CFAP43: variants seen among roughly 807,000 people sequenced by gnomAD.
The protein encoded by CFAP43 is cilia and flagella associated protein 43.
Under a neutral mutation model 218.9 loss-of-function variants are expected in CFAP43, and 155 were observed. The observed-to-expected ratio is 0.71, with a 90% CI of 0.62 to 0.81. The LOEUF (loss-of-function observed/expected upper bound fraction) is 0.81. Ranked by LOEUF, CFAP43 falls within the 30% of genes least tolerant of loss-of-function variation. The probability of loss-of-function intolerance (pLI) is 0.00; values close to 1 mark genes in which losing one functional copy is unlikely to be tolerated. For synonymous variants in CFAP43, 645 were observed against 681.3 expected (o/e 0.95, Z 0.83); for missense variants, 1,778 against 1,954.3 (o/e 0.91, Z 1.70).
intron 19 of CFAP43, among the ~76,000 whole-genome samples, chr10:104,177,685 A>G (rs1029845811): frequency 6.6e-6 from 1 of 152,208 alleles, no homozygotes; most frequent in African/African-American, 2.4e-5. Context: ...CTCATCGAAC[A>G]TATCAAGGTG....
At position 104,214,257 on chromosome 10, in the gene CFAP43, A is replaced by G. The variant is rs901379149; in HGVS notation, c.584+2T>C. ...TGCTACTGTTGTAACAAAGGCTCCT[A>G]CCTTGCTCTGAAACAATGCTCCTGG... On this transcript the variant is annotated splice_donor_variant, in intron 4 of 37. Coordinates refer to ENST00000357060, the MANE Select transcript of CFAP43 (RefSeq NM_025145.7). LOFTEE classifies it high-confidence loss of function. 1 of 1,584,678 alleles carries G rather than the reference A, an allele frequency of 6.3e-7. No homozygotes were observed. Among genetic ancestry groups the G allele is most frequent in the African/African-American group, 1.4e-5 (1 of 73,958 alleles).
At chr10:104,143,930 G>A (rs937424984) in intron 31 of CFAP43, among the ~76,000 whole-genome samples, 2 of 152,172 alleles carry the variant, frequency 1.3e-5, no homozygotes, top group African/African-American at 4.8e-5. Context: ...TATACTGTAA[G>A]CAGGCAAATA....
intron 27 of CFAP43, among the ~76,000 whole-genome samples, chr10:104,159,942 T>C (rs762044285): frequency 6.6e-6 from 1 of 152,120 alleles, no homozygotes. Flanking sequence ...AGCACTTGGC[T>C]AGGGGAAAAA....
In CFAP43 at chr10:104,182,497, G is replaced by T. The variant is rs1235210301; in HGVS notation, c.2158C>A (p.Leu720Ile). The stretch of plus-strand genomic sequence containing the variant: ...TAATAGTCCAGAATTTCACTGGCTA[G>T]GTGTCCTCCAAATCGCCTATATTAA... ...YLKWKRFGGH[L>I]ASEILDYYQK... Residue 720 changes from leucine to isoleucine, a missense_variant, in exon 17 of 38, where the codon CTA becomes ATA. Around this residue, in one of 3 missense-constraint regions of CFAP43, gnomAD observed 1,553 missense variants for 1,685.2 expected, o/e 0.92. Coordinates refer to ENST00000357060, the MANE Select transcript of CFAP43 (RefSeq NM_025145.7). The T allele has an allele frequency of 2.5e-6, 4 of 1,596,540 alleles. No individual in the cohort carries two copies. Among genetic ancestry groups the T allele is most frequent in the Non-Finnish European group, 3.4e-6 (4 of 1,175,162 alleles).
At chr10:104,160,095 G>C (rs186597936) in intron 27 of CFAP43, among the ~76,000 whole-genome samples, 13 of 152,298 alleles carry the variant, frequency 8.5e-5, no homozygotes, top group Admixed American at 2.0e-4. Flanking sequence ...ATCAAGGCTG[G>C]GGTTTCAGCA....
intron 6 of CFAP43, 46 bp from the exon 7 acceptor site, chr10:104,206,076 G>C: frequency 6.9e-7 from 1 of 1,445,698 alleles, no homozygotes; most frequent in Middle Eastern, 1.9e-4. Flanking sequence ...GTAATTAAAA[G>C]TACAATGTAA....
chr10:104,193,619 T>G (rs964309487), intron 11 of CFAP43: 2 of 432,308 alleles, frequency 4.6e-6, no homozygotes, highest in Non-Finnish European at 8.3e-6. Context: ...TGCTTGTTCA[T>G]GGATAAAACA....
intron 20 of CFAP43, among the ~76,000 whole-genome samples, chr10:104,169,891 G>C (rs1191014231): frequency 1.3e-5 from 2 of 152,102 alleles, no homozygotes; most frequent in African/African-American, 2.4e-5. Flanking sequence ...TCTCTCCACT[G>C]CTGAGGCTGT....
At chr10:104,140,726 T>C in intron 34 of CFAP43, 116 bp downstream of exon 34, 3 of 710,874 alleles carry the variant, frequency 4.2e-6, no homozygotes, top group Non-Finnish European at 6.6e-6. Flanking sequence ...GGTGGGAGGA[T>C]CTATTGAGCC....
At chr10:104,182,659 T>C (rs1231527877) in intron 16 of CFAP43, 146 bp from the exon 17 acceptor site, 1 of 720,190 alleles carries the variant, frequency 1.4e-6, no homozygotes, top group East Asian at 3.3e-5. Context: ...CACAGTGCCT[T>C]GTGGAAACTT....
At chr10:104,211,548 C>T (rs1189755204) in intron 5 of CFAP43, among the ~76,000 whole-genome samples, 1 of 152,170 alleles carries the variant, frequency 6.6e-6, no homozygotes, top group Non-Finnish European at 1.5e-5. Context: ...GAATTCCTTT[C>T]GCCCCTGAGT....
chr10:104,163,143 C>T (rs1202981252), intron 24 of CFAP43, among the ~76,000 whole-genome samples: 1 of 152,168 alleles, frequency 6.6e-6, no homozygotes, highest in East Asian at 1.9e-4. Context: ...AACTCTAAGG[C>T]ATGATGGTTT....
intron 2 of CFAP43, among the ~76,000 whole-genome samples, chr10:104,230,295 T>C (rs1051750552): frequency 2.0e-5 from 3 of 151,816 alleles, no homozygotes. Flanking sequence ...TGAAACCCCA[T>C]CTCTACTAAA....
At chr10:104,223,290 TG>T (rs1375895917) in intron 3 of CFAP43, among the ~76,000 whole-genome samples, 1 of 152,062 alleles carries the variant, frequency 6.6e-6, no homozygotes, top group East Asian at 1.9e-4. Context: ...AAATATTTTA[TG>T]GCCAAAAAAA....
At chr10:104,164,833 A>G (rs1339658271) in intron 23 of CFAP43, among the ~76,000 whole-genome samples, 1 of 152,262 alleles carries the variant, frequency 6.6e-6, no homozygotes, top group Non-Finnish European at 1.5e-5. Flanking sequence ...TTGTTAGACT[A>G]TAACCTACTT....
chr10:104,130,998 C>CAAAAAAAAAAA (rs1163188252), intron 37 of CFAP43, among the ~76,000 whole-genome samples: 1 of 56,724 alleles, frequency 1.8e-5, no homozygotes, highest in Non-Finnish European at 3.6e-5. Context: ...CACCCTGTCT[C>CAAAAAAAAAAA]AAAAAAAAAA....
At chr10:104,213,859 C>A (rs541894795) in intron 4 of CFAP43, among the ~76,000 whole-genome samples, 1 of 152,238 alleles carries the variant, frequency 6.6e-6, no homozygotes, top group South Asian at 2.1e-4. Flanking sequence ...CTATATCTAA[C>A]CATTTCTTAT....
intron 3 of CFAP43, among the ~76,000 whole-genome samples, chr10:104,215,136 A>AAAATAAAT (rs34704967): frequency 0.02 from 2,927 of 146,448 alleles, 30 homozygotes; most frequent in African/African-American, 0.022. Context: ...CTCCATCTCA[A>AAAATAAAT]AAATAAATAA....
chr10:104,164,056 T>G, intron 24 of CFAP43, 38 bp downstream of exon 24: 2 of 1,604,868 alleles, frequency 1.2e-6, no homozygotes, highest in South Asian at 1.1e-5. Flanking sequence ...GAAAGTCTCC[T>G]GAGAAAGAAG....
Sources: allele counts gnomAD v4.1 joint callset (sites outside exome capture counted in the v4.1 genomes callset), GRCh38; gene constraint gnomAD v4.1.1; regional missense constraint gnomAD v4.1.1; transcripts MANE v1.5; gene names NCBI Gene and HGNC (gene_info 2026-07-23, HGNC 2026-07-21).